The following CTNND2 variants were observed in gnomAD, a reference collection of about 807,000 sequenced individuals.
CTNND2 encodes the protein catenin delta-2.
Under a neutral mutation model 144.4 loss-of-function variants are expected in CTNND2, and 22 were observed. The observed-to-expected ratio is 0.15, with a 90% CI of 0.11 to 0.22. The LOEUF (loss-of-function observed/expected upper bound fraction) is 0.22. CTNND2 is among the 10% of genes least tolerant of loss of function. The pLI is 1.00. For missense variants in CTNND2, 1,353 were observed against 1,618.8 expected (o/e 0.84, Z 2.82); for synonymous variants, 751 against 695.6 (o/e 1.08, Z -1.25).
intron 2 of CTNND2, among the ~76,000 whole-genome samples, chr5:11,645,407 A>G (rs2126518866): frequency 6.6e-6 from 1 of 152,328 alleles, no homozygotes; most frequent in South Asian, 2.1e-4. Flanking sequence ...TCTTCACAAC[A>G]CTATTTTTAA....
intron 7 of CTNND2, among the ~76,000 whole-genome samples, chr5:11,383,806 G>C (rs1673601737): frequency 6.6e-6 from 1 of 152,204 alleles, no homozygotes. Context: ...TTAGTTGTCA[G>C]GTGTTTCAGA....
At chr5:11,001,846 A>G (rs1438151698) in intron 18 of CTNND2, among the ~76,000 whole-genome samples, 2 of 148,128 alleles carry the variant, frequency 1.4e-5, no homozygotes, top group Admixed American at 6.6e-5. Context: ...ACCATGTTTC[A>G]GTGTGAGTAC....
chr5:11,694,972 T>C (rs1451328606), intron 2 of CTNND2, among the ~76,000 whole-genome samples: 1 of 152,132 alleles, frequency 6.6e-6, no homozygotes, highest in Non-Finnish European at 1.5e-5. Flanking sequence ...GAATATTGCA[T>C]ATAGCAGGTC....
intron 18 of CTNND2, among the ~76,000 whole-genome samples, chr5:11,006,471 G>A (rs1214203452): frequency 3.3e-5 from 5 of 152,228 alleles, no homozygotes; most frequent in Non-Finnish European, 7.3e-5. Flanking sequence ...TGCCCACATG[G>A]AGAAGAGCTG....
chr5:11,089,404 T>C (rs974259568), intron 15 of CTNND2, among the ~76,000 whole-genome samples: 1 of 152,252 alleles, frequency 6.6e-6, no homozygotes, highest in Non-Finnish European at 1.5e-5. Flanking sequence ...TGCCGGCACA[T>C]ACTGCTATAG....
At chr5:11,093,281 C>A (rs1481722308) in intron 15 of CTNND2, among the ~76,000 whole-genome samples, 2 of 152,118 alleles carry the variant, frequency 1.3e-5, no homozygotes, top group Non-Finnish European at 2.9e-5. Flanking sequence ...TAGAAATAAT[C>A]CATAAACGGG....
chr5:10,981,610 G>GAC (rs1371446094), intron 21 of CTNND2, among the ~76,000 whole-genome samples, 163 bp downstream of exon 21: 1 of 134,178 alleles, frequency 7.5e-6, no homozygotes, highest in Non-Finnish European at 1.6e-5. Flanking sequence ...CACACACAGA[G>GAC]ACACACACAC....
chr5:11,501,170 A>G (rs1199426849), intron 3 of CTNND2, among the ~76,000 whole-genome samples: 2 of 152,272 alleles, frequency 1.3e-5, no homozygotes, highest in Admixed American at 6.5e-5. Context: ...GGTTACAAAC[A>G]CAGCTAATGC....
chr5:11,414,275 A>G (rs1761756332), intron 3 of CTNND2, among the ~76,000 whole-genome samples: 1 of 152,176 alleles, frequency 6.6e-6, no homozygotes, highest in Non-Finnish European at 1.5e-5. Flanking sequence ...CTCCAAAACC[A>G]TGACAGAATA....
At chr5:11,777,574 G>T (rs1790325241) in intron 1 of CTNND2, among the ~76,000 whole-genome samples, 1 of 152,168 alleles carries the variant, frequency 6.6e-6, no homozygotes, top group Non-Finnish European at 1.5e-5. Flanking sequence ...CACCACTCCT[G>T]AATCTTAGAC....
chr5:11,453,944 G>C (rs902610728), intron 3 of CTNND2, among the ~76,000 whole-genome samples: 1 of 152,066 alleles, frequency 6.6e-6, no homozygotes, highest in African/African-American at 2.4e-5. Context: ...TTCTCTTATG[G>C]AGTGTTACAG....
intron 8 of CTNND2, among the ~76,000 whole-genome samples, chr5:11,362,463 T>C (rs1452739450): frequency 1.3e-5 from 2 of 152,184 alleles, no homozygotes; most frequent in Non-Finnish European, 2.9e-5. Context: ...CCTTGGTGGA[T>C]GCAGGGAAGA....
chr5:11,129,968 A>T (rs1379796361), intron 12 of CTNND2, among the ~76,000 whole-genome samples: 3 of 152,126 alleles, frequency 2.0e-5, no homozygotes, highest in Admixed American at 6.5e-5. Flanking sequence ...TGTGTTTTGA[A>T]AGCTGGTCTC....
At chr5:11,054,164 G>A (rs1266677853) in intron 16 of CTNND2, among the ~76,000 whole-genome samples, 1 of 152,170 alleles carries the variant, frequency 6.6e-6, no homozygotes, top group Non-Finnish European at 1.5e-5. Flanking sequence ...GAGGCTAAGA[G>A]CAGCAACACG....
chr5:11,830,421 C>CATTCCA (rs1793835110), intron 1 of CTNND2, among the ~76,000 whole-genome samples: 1 of 152,136 alleles, frequency 6.6e-6, no homozygotes, highest in Non-Finnish European at 1.5e-5. Flanking sequence ...CTTTCCCGTG[C>CATTCCA]TGTTTTCAGG....
At chr5:11,168,588 C>A (rs1442079205) in intron 11 of CTNND2, among the ~76,000 whole-genome samples, 3 of 152,114 alleles carry the variant, frequency 2.0e-5, no homozygotes, top group Non-Finnish European at 2.9e-5. Flanking sequence ...ACCAAAGCAC[C>A]AAGGCTGAGT....
At chr5:11,512,068 T>C (rs1771697186) in intron 3 of CTNND2, among the ~76,000 whole-genome samples, 1 of 152,204 alleles carries the variant, frequency 6.6e-6, no homozygotes, top group Admixed American at 6.5e-5. Context: ...GGATCCTGGA[T>C]TGATCTCACC....
intron 9 of CTNND2, among the ~76,000 whole-genome samples, chr5:11,279,110 T>C (rs527939467): frequency 4.5e-4 from 68 of 152,262 alleles, no homozygotes; most frequent in African/African-American, 1.6e-3. Context: ...AAGGCATCCA[T>C]GGGACTGTCT....
chr5:11,528,392 G>A (rs758069239), intron 3 of CTNND2, among the ~76,000 whole-genome samples: 1 of 152,150 alleles, frequency 6.6e-6, no homozygotes, highest in African/African-American at 2.4e-5. Flanking sequence ...GAAATGAAGA[G>A]TTCTTATTCC....
Sources: gnomAD v4.1 joint callset for allele counts (sites outside exome capture counted in the v4.1 genomes callset) on GRCh38, gnomAD v4.1.1 for gene constraint, MANE v1.5 for transcripts, NCBI Gene and HGNC (gene_info 2026-07-23, HGNC 2026-07-21) for gene names.